Variants in TMEM229B observed in about 807,000 individuals in gnomAD.
TMEM229B encodes the protein chromosome 14 open reading frame 83.
TMEM229B carries 6 observed loss-of-function variants against 13.7 expected under a neutral mutation model. The observed-to-expected ratio is 0.44, with a 90% CI of 0.24 to 0.86. The LOEUF is 0.86. Among genes scored for constraint, TMEM229B ranks in the 40% least tolerant of loss-of-function variants. The pLI is 0.23. For missense variants in TMEM229B, 170 were observed against 236.0 expected, an observed-to-expected ratio of 0.72 and a Z score of 1.83; for synonymous variants, 107 against 102.1, an observed-to-expected ratio of 1.05 and a Z score of -0.29.
intron 2 of TMEM229B, among the ~76,000 whole-genome samples, chr14:67,484,384 C>T (rs758942552): frequency 3.9e-5 from 6 of 152,222 alleles, no homozygotes; most frequent in Non-Finnish European, 4.4e-5. Context: ...CTAGCTGCCT[C>T]GGTCTCTCTT....
At chr14:67,493,938 G>C (rs1442898123) in intron 1 of TMEM229B, among the ~76,000 whole-genome samples, 1 of 151,912 alleles carries the variant, frequency 6.6e-6, no homozygotes, top group African/African-American at 2.4e-5. Flanking sequence ...TTGTTCTGGG[G>C]AATCTGTGAC....
Position 67,470,652 on chromosome 14 carries a change from G to A in TMEM229B, c.*2768C>T, listed in dbSNP as rs1031630308. ...CGCAGAGTGAGGGACCAGGACAAAA[G>A]GGCTTCATGGGGACTCCCTAGGTAT... On this transcript the variant is annotated 3_prime_UTR_variant, in exon 3 of 3. Transcript: ENST00000554480. The A allele has an allele frequency of 6.5e-6, 1 of 152,770 alleles. No individual in the cohort carries two copies. 9.5% of individuals were successfully genotyped at this position (152,770 alleles called of 1,614,324 possible).
intron 1 of TMEM229B, among the ~76,000 whole-genome samples, chr14:67,500,612 C>T (rs570148781): frequency 6.6e-6 from 1 of 150,758 alleles, no homozygotes; most frequent in South Asian, 2.1e-4. Flanking sequence ...CGCTCTGTCC[C>T]CCAGGCTGGA....
At chr14:67,519,780 T>C (rs997815150), upstream of TMEM229B, among the ~76,000 whole-genome samples, 6 of 151,812 alleles carry the variant, frequency 4.0e-5, no homozygotes, top group African/African-American at 1.5e-4. Context: ...TGGAGTGCAG[T>C]GGCATGATCA....
At chr14:67,513,812 T>C (rs533104733) in intron 1 of TMEM229B, among the ~76,000 whole-genome samples, 1 of 152,322 alleles carries the variant, frequency 6.6e-6, no homozygotes, top group Admixed American at 6.5e-5. Flanking sequence ...CCCAAAGGGC[T>C]ATCCTGCCAC....
At chr14:67,508,112 G>A (rs12589397) in intron 1 of TMEM229B, among the ~76,000 whole-genome samples, 6,648 of 146,540 alleles carry the variant, frequency 0.045, 171 homozygotes, top group East Asian at 0.15. Context: ...TCCAGCCTGG[G>A]CAGCAAGAGC....
upstream of TMEM229B, among the ~76,000 whole-genome samples, chr14:67,492,500 G>A (rs1264929525): frequency 1.3e-5 from 2 of 152,170 alleles, no homozygotes; most frequent in African/African-American, 4.8e-5. Context: ...ATTTTATCTG[G>A]GTTCTTCCCA....
chr14:67,516,891 G>A (rs2033212579), upstream of TMEM229B, among the ~76,000 whole-genome samples: 1 of 152,182 alleles, frequency 6.6e-6, no homozygotes, highest in Non-Finnish European at 1.5e-5. Flanking sequence ...TGCTACCAGT[G>A]GCAGGAACTC....
At chr14:67,475,924 C>G (rs542450444) in intron 2 of TMEM229B, among the ~76,000 whole-genome samples, 93 of 152,260 alleles carry the variant, frequency 6.1e-4, no homozygotes, top group Non-Finnish European at 1.1e-3. Context: ...AGGATAGTGA[C>G]TGTTGCACAG....
upstream of TMEM229B, among the ~76,000 whole-genome samples, chr14:67,490,898 G>A (rs1227299834): frequency 6.6e-6 from 1 of 152,144 alleles, no homozygotes; most frequent in Non-Finnish European, 1.5e-5. Context: ...TGGGCGTGGA[G>A]GGGGGCAGAT....
chr14:67,474,707 C>T (rs1240660075), intron 2 of TMEM229B, among the ~76,000 whole-genome samples: 2 of 152,160 alleles, frequency 1.3e-5, no homozygotes, highest in African/African-American at 2.4e-5. Flanking sequence ...CCATTAAATA[C>T]AAACTCCCAT....
Position 67,506,001 on chromosome 14 carries a change from A to G in TMEM229B, c.-192+9085T>C, listed in dbSNP as rs189903521. On this transcript the variant is annotated intron_variant, in intron 1 of 2. Transcript: ENST00000357461. The stretch of plus-strand genomic sequence containing the variant: ...AGGTGTGAGCCACCTCACCTGGCTG[A>G]TAATTTGTTCTTTTCAAGACAATAG... Among the ~76,000 whole-genome samples, 192 of 152,176 alleles carry G rather than the reference A, an allele frequency of 1.3e-3. 1 individual carries two copies. Among genetic ancestry groups the G allele is most frequent in the Admixed American group, 5.3e-3 (81 of 15,282 alleles).
intron 2 of TMEM229B, among the ~76,000 whole-genome samples, chr14:67,485,871 A>G (rs1170855239): frequency 6.6e-6 from 1 of 152,214 alleles, no homozygotes; most frequent in Non-Finnish European, 1.5e-5. Context: ...GCAAGAGGAC[A>G]TGCTCCTCCA....
chr14:67,526,337 C>T (rs2033367316), intron 1 of TMEM229B, among the ~76,000 whole-genome samples: 1 of 152,218 alleles, frequency 6.6e-6, no homozygotes, highest in Non-Finnish European at 1.5e-5. Context: ...GCATCTCTTC[C>T]TGTCCCCTGC....
chr14:67,490,392 G>A (rs2032119607), upstream of TMEM229B, among the ~76,000 whole-genome samples: 1 of 152,184 alleles, frequency 6.6e-6, no homozygotes, highest in Admixed American at 6.5e-5. Context: ...GGAAGACTGG[G>A]GCAGGAACAG....
At chr14:67,525,314 A>T (rs1321798988) in intron 1 of TMEM229B, among the ~76,000 whole-genome samples, 2 of 152,228 alleles carry the variant, frequency 1.3e-5, no homozygotes, top group Non-Finnish European at 2.9e-5. Flanking sequence ...TTCACTTGAC[A>T]TTAAGTAATG....
intron 1 of TMEM229B, among the ~76,000 whole-genome samples, chr14:67,498,139 C>G (rs2032463919): frequency 6.6e-6 from 1 of 152,130 alleles, no homozygotes; most frequent in Admixed American, 6.5e-5. Context: ...TGAAAACCAC[C>G]TGAACGCCTT....
intron 2 of TMEM229B, among the ~76,000 whole-genome samples, chr14:67,480,092 C>T (rs547959928): frequency 3.4e-4 from 52 of 152,274 alleles, no homozygotes; most frequent in Middle Eastern, 6.8e-3. Flanking sequence ...CGAATGAACT[C>T]GTACATATAC....
In TMEM229B at chr14:67,473,285, G is replaced by T; in HGVS notation, c.*135C>A. 8.0e-7 allele frequency: 1 copy of T among 1,256,926 alleles called. No homozygotes were observed. Among genetic ancestry groups the T allele is most frequent in the East Asian group, 2.3e-5 (1 of 42,698 alleles). The allele number at this position is 1,256,926 out of a possible 1,614,324, so 77.9% of individuals were successfully genotyped here. On this transcript the variant is annotated 3_prime_UTR_variant, in exon 3 of 3. Transcript: ENST00000554480. The surrounding 1 kb of genome is among the most constrained non-coding windows in gnomAD (Gnocchi z 6.5). ...ACACCGGCCCCCGCGGACGTTAGGG[G>T]GCTCTGTGTGCCCTATAGGGCTGAG...
Sources: gnomAD v4.1 joint callset for allele counts (sites outside exome capture counted in the v4.1 genomes callset) on GRCh38, gnomAD v4.1.1 for gene constraint, Gnocchi (gnomAD v3.1) non-coding constraint, MANE v1.5 for transcripts, NCBI Gene and HGNC (gene_info 2026-07-23, HGNC 2026-07-21) for gene names.